SCIMP: variants seen among roughly 807,000 people sequenced by gnomAD.
The protein encoded by SCIMP is SLP adapter and CSK-interacting membrane protein.
SCIMP carries 18 observed loss-of-function variants against 22.0 expected under a neutral mutation model. That is an observed-to-expected ratio of 0.82 (90% CI 0.56 to 1.21). The LOEUF (loss-of-function observed/expected upper bound fraction) is 1.21. Ranked by LOEUF, SCIMP falls within the 50% of genes most tolerant of loss-of-function variation. The probability of loss-of-function intolerance (pLI) is 0.00; values close to 1 mark genes in which losing one functional copy is unlikely to be tolerated. For synonymous variants in SCIMP, 53 were observed against 62.2 expected, an observed-to-expected ratio of 0.85 and a Z score of 0.70; for missense variants, 155 against 171.2, an observed-to-expected ratio of 0.91 and a Z score of 0.53.
rs370207534 is a variant in SCIMP at position 5,234,782 on chromosome 17, G to A, written c.-27C>T. 2.5e-6 allele frequency: 4 copies of A among 1,604,348 alleles called. No homozygotes were observed. Among genetic ancestry groups the A allele is most frequent in the Non-Finnish European group, 3.4e-6 (4 of 1,175,806 alleles). Reference sequence around the variant, plus strand: ...TGTGAGCAGCTAAGGAGACAGCAGTGGCTGGAGTGCTGCAGCTCAGGCACA... The same window carrying A: ...TGTGAGCAGCTAAGGAGACAGCAGTAGCTGGAGTGCTGCAGCTCAGGCACA... On this transcript the variant is annotated 5_prime_UTR_variant, in exon 1 of 5. Coordinates refer to ENST00000574081, the MANE Select transcript of SCIMP (RefSeq NM_207103.3).
intron 1 of SCIMP, among the ~76,000 whole-genome samples, chr17:5,225,996 TCA>T (rs2074645653): frequency 6.6e-6 from 1 of 152,232 alleles, no homozygotes; most frequent in Admixed American, 6.5e-5. Context: ...GGAAAAACCC[TCA>T]CACATTTGGT....
chr17:5,213,225 G>C (rs147958135), intron 4 of SCIMP: 48 of 983,154 alleles, frequency 4.9e-5, no homozygotes, highest in Middle Eastern at 1.1e-3. Flanking sequence ...GGGTGCGTCG[G>C]TACTTATGCT....
intron 4 of SCIMP, chr17:5,213,400 T>C: frequency 4.7e-6 from 1 of 213,880 alleles, no homozygotes; most frequent in Non-Finnish European, 8.0e-6. Flanking sequence ...GTGTGCACCA[T>C]CACGCTGGCT....
At chr17:5,220,316 T>A (rs567022090) in intron 3 of SCIMP, among the ~76,000 whole-genome samples, 1 of 151,804 alleles carries the variant, frequency 6.6e-6, no homozygotes, top group Admixed American at 6.6e-5. Context: ...CACGGTGGCA[T>A]GTGCTTGTAA....
intron 2 of SCIMP, among the ~76,000 whole-genome samples, chr17:5,221,602 G>A (rs1371024704): frequency 6.6e-6 from 1 of 152,164 alleles, no homozygotes; most frequent in Non-Finnish European, 1.5e-5. Flanking sequence ...AATCAAAAGT[G>A]TGGTTGGGAG....
chr17:5,222,061 G>C (rs2074612190), intron 2 of SCIMP, among the ~76,000 whole-genome samples: 1 of 151,020 alleles, frequency 6.6e-6, no homozygotes, highest in Non-Finnish European at 1.5e-5. Flanking sequence ...TTACAGGCGT[G>C]GGCCACTGCA....
chr17:5,234,233 T>C (rs1393927608), intron 1 of SCIMP, among the ~76,000 whole-genome samples: 1 of 152,064 alleles, frequency 6.6e-6, no homozygotes, highest in Non-Finnish European at 1.5e-5. Flanking sequence ...ATCACGTCAC[T>C]GCACTCCAGC....
At chr17:5,234,542 T>C in intron 1 of SCIMP, 193 bp downstream of exon 1, 2 of 616,816 alleles carry the variant, frequency 3.2e-6, no homozygotes, top group Non-Finnish European at 5.8e-6. Context: ...ACTCAGCCAG[T>C]TACCAGTAGA....
At chr17:5,211,068 GC>G in intron 4 of SCIMP, 113 bp from the exon 5 acceptor site, 1 of 1,462,046 alleles carries the variant, frequency 6.8e-7, no homozygotes, top group Non-Finnish European at 9.0e-7. Flanking sequence ...CTTCTAGTGG[GC>G]CAGATCCCCA....
At chr17:5,211,070 C>A in intron 4 of SCIMP, 115 bp from the exon 5 acceptor site, 5 of 1,436,856 alleles carry the variant, frequency 3.5e-6, no homozygotes, top group Non-Finnish European at 4.6e-6. Flanking sequence ...TCTAGTGGGC[C>A]AGATCCCCAT....
rs1460621967 is a variant in SCIMP at position 5,209,010 on chromosome 17, A to G, written c.*1791T>C. On this transcript the variant is annotated 3_prime_UTR_variant, in exon 5 of 5. Coordinates refer to ENST00000574081, the MANE Select transcript of SCIMP (RefSeq NM_207103.3). Reference sequence around the variant, plus strand: ...GAAAGCATGTGTTTGAAACACTCCAATCCTTTGGCTTATTTTTGTTCTATA... The same window carrying G: ...GAAAGCATGTGTTTGAAACACTCCAGTCCTTTGGCTTATTTTTGTTCTATA... The G allele has an allele frequency of 6.6e-6, 1 of 152,218 alleles. No homozygotes were observed. The highest frequency in any genetic ancestry group is 1.5e-5 in the Non-Finnish European group (1 of 68,046). 9.4% of individuals were successfully genotyped at this position (152,218 alleles called of 1,614,324 possible).
At chr17:5,218,690 A>G (rs988596236) in intron 3 of SCIMP, among the ~76,000 whole-genome samples, 3 of 152,230 alleles carry the variant, frequency 2.0e-5, no homozygotes, top group African/African-American at 7.2e-5. Context: ...TGCCTGACAC[A>G]TTTGTCTTAT....
chr17:5,217,074 G>C (rs557965405), intron 3 of SCIMP, among the ~76,000 whole-genome samples: 1 of 152,196 alleles, frequency 6.6e-6, no homozygotes, highest in African/African-American at 2.4e-5. Context: ...AGCTCCACCG[G>C]CGGCTCTCAC....
At chr17:5,225,879 C>T (rs2074644780) in intron 1 of SCIMP, among the ~76,000 whole-genome samples, 1 of 151,926 alleles carries the variant, frequency 6.6e-6, no homozygotes, top group South Asian at 2.1e-4. Context: ...GAGTTGGGGG[C>T]AGCAGTCTTG....
chr17:5,213,303 G>C, intron 4 of SCIMP: 1 of 952,290 alleles, frequency 1.1e-6, no homozygotes, highest in Non-Finnish European at 1.2e-6. Flanking sequence ...TGTCGTCCAG[G>C]TGCAGTGATG....
chr17:5,215,728 G>A (rs1023472449), intron 3 of SCIMP, among the ~76,000 whole-genome samples: 5 of 152,126 alleles, frequency 3.3e-5, no homozygotes, highest in East Asian at 1.9e-4. Flanking sequence ...TGAAATGCTC[G>A]CATCTGTTCA....
chr17:5,223,574 A>T, intron 1 of SCIMP, 118 bp from the exon 2 acceptor site: 1 of 986,138 alleles, frequency 1.0e-6, no homozygotes, highest in Non-Finnish European at 1.6e-6. Context: ...TCGGAGTCTC[A>T]CTCTGTCGCC....
chr17:5,217,380 T>TTGTG (rs10554192), intron 3 of SCIMP, among the ~76,000 whole-genome samples: 1,547 of 149,034 alleles, frequency 0.01, 15 homozygotes, highest in Non-Finnish European at 0.014. Context: ...TTTTGTTTGC[T>TTGTG]TGTGTGTGTG....
At chr17:5,221,582 C>T (rs2257308) in intron 2 of SCIMP, among the ~76,000 whole-genome samples, 82,997 of 151,922 alleles carry the variant, frequency 0.55, 25,083 homozygotes, top group Non-Finnish European at 0.7. Context: ...GAAATGTTGG[C>T]TGAATGAATA....
Sources: allele counts gnomAD v4.1 joint callset (sites outside exome capture counted in the v4.1 genomes callset), GRCh38; gene constraint gnomAD v4.1.1; transcripts MANE v1.5; gene names NCBI Gene and HGNC (gene_info 2026-07-23, HGNC 2026-07-21).